Variants in P2RX4 observed in about 807,000 individuals in gnomAD.
P2RX4 encodes the protein purinergic receptor P2X 4.
P2RX4 carries 37 observed loss-of-function variants against 48.0 expected under a neutral mutation model. The observed-to-expected ratio is 0.77, with a 90% confidence interval of 0.59 to 1.01. The LOEUF is 1.01. Among genes scored for constraint, P2RX4 ranks in the 50% least tolerant of loss-of-function variants. The probability of loss-of-function intolerance (pLI) is 0.00; values close to 1 mark genes in which losing one functional copy is unlikely to be tolerated. For synonymous variants in P2RX4, 200 were observed against 199.7 expected, an observed-to-expected ratio of 1.00 and a Z score of -0.01; for missense variants, 501 against 521.4, an observed-to-expected ratio of 0.96 and a Z score of 0.38.
chr12:121,230,217 TA>T (rs879748298), intron 8 of P2RX4, among the ~76,000 whole-genome samples: 2 of 151,940 alleles, frequency 1.3e-5, no homozygotes, highest in East Asian at 1.9e-4. Flanking sequence ...CCATCTCTAC[TA>T]AAAAAAATAC....
chr12:121,214,468 G>A (rs754752042), intron 1 of P2RX4: 1 of 151,772 alleles, frequency 6.6e-6, no homozygotes, highest in African/African-American at 2.4e-5. Context: ...AAAAAAGACC[G>A]AACACGCAAT....
chr12:121,229,027 T>C lies in P2RX4; in HGVS notation c.812T>C (p.Leu271Ser), dbSNP rs537866000. Residue 271 changes from leucine (L) to serine (S), a missense_variant, in exon 8 of 12, where the codon TTG (leucine) becomes TCG (serine). Leu to Ser is a moderately radical substitution (Grantham distance 145). Transcript: ENST00000337233. The surrounding 1 kb of genome is among the most constrained non-coding windows in gnomAD (Gnocchi z 4.6). ...CNLDRAASLC[L>S]PRYSFRRLDT... Reference sequence around the variant, plus strand: ...CTGGACAGAGCCGCCTCCCTCTGCTTGCCCAGGTACTCCTTCCGCCGCCTC... The same window carrying C: ...CTGGACAGAGCCGCCTCCCTCTGCTCGCCCAGGTACTCCTTCCGCCGCCTC... 9.3e-6 allele frequency: 15 copies of C among 1,614,082 alleles called. No individual in the cohort carries two copies. The South Asian group carries it at 1.6e-4, about 18-fold the overall frequency.
At chr12:121,212,532 A>G (rs913402274) in intron 1 of P2RX4, among the ~76,000 whole-genome samples, 12 of 149,506 alleles carry the variant, frequency 8.0e-5, no homozygotes, top group Non-Finnish European at 1.6e-4. Context: ...TCATGCCTAT[A>G]ATCTCAGCAC....
At chr12:121,225,412 T>A (rs2942070) in intron 5 of P2RX4, among the ~76,000 whole-genome samples, 1 of 150,584 alleles carries the variant, frequency 6.6e-6, no homozygotes, top group East Asian at 2.0e-4. Flanking sequence ...TATTTATTTG[T>A]ATTTATTTAT....
chr12:121,220,454 G>C (rs1451875979), intron 2 of P2RX4, among the ~76,000 whole-genome samples: 1 of 151,942 alleles, frequency 6.6e-6, no homozygotes, highest in Non-Finnish European at 1.5e-5. Context: ...TAGCCAACAT[G>C]GTGAAATCCT....
intron 1 of P2RX4, among the ~76,000 whole-genome samples, chr12:121,212,078 G>C (rs1885901083): frequency 6.6e-6 from 1 of 152,230 alleles, no homozygotes; most frequent in Admixed American, 6.5e-5. Context: ...TGTTTCCCAA[G>C]TTTACCTGAT....
intron 2 of P2RX4, 34 bp from the exon 3 acceptor site, chr12:121,221,879 A>T: frequency 6.3e-7 from 1 of 1,599,230 alleles, no homozygotes; most frequent in Non-Finnish European, 8.6e-7. Flanking sequence ...GAGTCCTCTG[A>T]GCGTGGCTTG....
chr12:121,228,940 G>A (rs896822062), intron 7 of P2RX4, 23 bp from the exon 8 acceptor site: 21 of 1,613,960 alleles, frequency 1.3e-5, no homozygotes, highest in African/African-American at 6.7e-5. Flanking sequence ...AAGCCTTGCC[G>A]TGTCTCTGCT....
At chr12:121,222,666 C>G (rs1368978614) in intron 4 of P2RX4, 9 of 1,112,264 alleles carry the variant, frequency 8.1e-6, no homozygotes, top group Non-Finnish European at 1.1e-5. Context: ...CCCGCCTCAG[C>G]CTCCCAAAGT....
At position 121,219,559 on chromosome 12, in the gene P2RX4, A is replaced by ATCTTGAT. The variant is rs556414084; in HGVS notation, c.282+2280_282+2286dup. Among the ~76,000 whole-genome samples the ATCTTGAT allele has an allele frequency of 4.1e-3, 617 of 151,246 alleles. 6 individuals carry two copies. Among genetic ancestry groups the ATCTTGAT allele is most frequent in the African/African-American group, 0.014 (583 of 40,972 alleles). The stretch of plus-strand genomic sequence containing the variant: ...AGCCTGGGCAATATAGTGAGACCCC[A>ATCTTGAT]TCTTGATTGGATGGGTGGTGGATGG... On this transcript the variant is annotated intron_variant, in intron 2 of 11. Coordinates refer to ENST00000337233, the MANE Select transcript of P2RX4 (RefSeq NM_002560.3).
At chr12:121,217,091 T>C (rs1282302265) in intron 1 of P2RX4, 43 bp from the exon 2 acceptor site, 6 of 1,603,738 alleles carry the variant, frequency 3.7e-6, no homozygotes, top group South Asian at 2.2e-5. Flanking sequence ...TTCAAATCCA[T>C]TGAATCCTAA....
chr12:121,221,820 T>C, intron 2 of P2RX4, 93 bp from the exon 3 acceptor site: 1 of 1,004,594 alleles, frequency 1.0e-6, no homozygotes, highest in Non-Finnish European at 1.6e-6. Flanking sequence ...ACGCGGTCAG[T>C]GTTTGAGTTG....
At chr12:121,216,958 C>T (rs1378910187) in intron 1 of P2RX4, 176 bp from the exon 2 acceptor site, 3 of 728,310 alleles carry the variant, frequency 4.1e-6, no homozygotes, top group Admixed American at 4.0e-5. Flanking sequence ...GGTTTAGGTG[C>T]TACCATCCCC....
chr12:121,230,021 C>T (rs1336100739), intron 8 of P2RX4, among the ~76,000 whole-genome samples: 1 of 152,184 alleles, frequency 6.6e-6, no homozygotes, highest in African/African-American at 2.4e-5. Context: ...ACTGTTCAAC[C>T]CACTACAGCT....
rs373660866 is a variant in P2RX4, at chr12:121,233,584, T to A, written c.*35T>A. The stretch of plus-strand genomic sequence containing the variant: ...CACACCTGGGCTCTCCACAGCCCCA[T>A]CAAAGAACAGAGAGGAGGAGGAGGG... On this transcript the variant is annotated 3_prime_UTR_variant, in exon 12 of 12. Coordinates refer to ENST00000337233, the MANE Select transcript of P2RX4 (RefSeq NM_002560.3). 111 of 1,602,662 alleles carry A rather than the reference T, an allele frequency of 6.9e-5. No homozygotes were observed. In the African/African-American group the frequency reaches 1.3e-3, roughly 18 times the overall value.
Position 121,216,871 on chromosome 12 carries a change from G to T in P2RX4, c.135-263G>T. 8.8e-6 allele frequency: 6 copies of T among 680,158 alleles called. No homozygotes were observed. The South Asian group carries it at 9.4e-5, about 11-fold the overall frequency. 42.1% of individuals were successfully genotyped at this position (680,158 alleles called of 1,614,324 possible). On this transcript the variant is annotated intron_variant, in intron 1 of 11. Coordinates refer to ENST00000337233, the MANE Select transcript of P2RX4 (RefSeq NM_002560.3). ...AAATGTAATAAAGACAGTATTCATC[G>T]AGCGTTTTCTCTGTGCCATCAGTGT...
chr12:121,228,455 G>GTATATATA (rs373631347), intron 5 of P2RX4, 78 bp from the exon 6 acceptor site: 13 of 659,778 alleles, frequency 2.0e-5, no homozygotes, highest in Non-Finnish European at 2.5e-5. Context: ...ATATATGTGT[G>GTATATATA]TATATATATA....
intron 3 of P2RX4, 54 bp from the exon 4 acceptor site, chr12:121,222,039 AC>A (rs1886650055): frequency 6.3e-7 from 1 of 1,598,472 alleles, no homozygotes; most frequent in Middle Eastern, 1.7e-4. Flanking sequence ...ACGCCTGTCC[AC>A]CTGTGTGTGG....
chr12:121,222,141 C>A lies in P2RX4; in HGVS notation c.402C>A (p.Ala134=). Residue 134 remains alanine, a synonymous_variant, in exon 4 of 12, where the codon GCC becomes GCA. Transcript: ENST00000337233. The part of the protein sequence containing the change: ...TVCKSDASCT[A]GSAGTHSNGV... ...GTAAATCAGATGCCAGCTGTACTGCCGGCTCTGCCGGCACCCACAGCAACG... is the reference window on the plus strand; with the variant it reads ...GTAAATCAGATGCCAGCTGTACTGCAGGCTCTGCCGGCACCCACAGCAACG... The A allele has an allele frequency of 6.3e-7, 1 of 1,585,218 alleles. No homozygotes were observed. Among genetic ancestry groups the A allele is most frequent in the South Asian group, 1.1e-5 (1 of 90,640 alleles).
Sources: gnomAD v4.1 joint callset for allele counts (sites outside exome capture counted in the v4.1 genomes callset) on GRCh38, gnomAD v4.1.1 for gene constraint, Gnocchi (gnomAD v3.1) non-coding constraint, MANE v1.5 for transcripts, NCBI Gene and HGNC (gene_info 2026-07-23, HGNC 2026-07-21) for gene names.